Variants in MAP2K5 observed in about 807,000 individuals in gnomAD.
MAP2K5 encodes mitogen-activated protein kinase kinase 5.
Under a neutral mutation model 83.1 loss-of-function variants are expected in MAP2K5, and 49 were observed. The ratio of observed to expected loss-of-function variants is 0.59; its 90% CI spans 0.47 to 0.75. MAP2K5 has a LOEUF of 0.75. MAP2K5 is among the 30% of genes least tolerant of loss of function. MAP2K5 has a pLI of 0.00. For synonymous variants in MAP2K5, 202 were observed against 191.8 expected, an observed-to-expected ratio of 1.05 and a Z score of -0.44; for missense variants, 457 against 557.5, an observed-to-expected ratio of 0.82 and a Z score of 1.82.
At chr15:67,607,603 A>G (rs2085808474) in intron 8 of MAP2K5, among the ~76,000 whole-genome samples, 1 of 152,222 alleles carries the variant, frequency 6.6e-6, no homozygotes, top group African/African-American at 2.4e-5. Flanking sequence ...CGAATTAACT[A>G]TTATTGAAAT....
At position 67,770,888 on chromosome 15, in the gene MAP2K5, A is replaced by T. The variant is rs1026788342; in HGVS notation, c.1196+1225A>T. Among the ~76,000 whole-genome samples the T allele has an allele frequency of 2.6e-5, 4 of 152,322 alleles. No homozygotes were observed. The highest frequency in any genetic ancestry group is 4.8e-5 in the African/African-American group (2 of 41,562). The stretch of plus-strand genomic sequence containing the variant: ...GAAATTTTTCTCCCCAATTAAAAAA[A>T]TTTTATTAACACTGTTTCTATTTAT... On this transcript the variant is annotated intron_variant, in intron 20 of 21. Transcript: ENST00000178640. This position sits in a 1 kb window ranked among gnomAD's most constrained non-coding sequence, Gnocchi z 5.0.
chr15:67,629,495 A>C (rs963500579), intron 8 of MAP2K5, among the ~76,000 whole-genome samples: 5 of 152,168 alleles, frequency 3.3e-5, no homozygotes, highest in Admixed American at 2.0e-4. Context: ...AGAGCAACCA[A>C]ATTTTCTGCT....
chr15:67,752,142 G>A (rs936729206), intron 19 of MAP2K5, among the ~76,000 whole-genome samples: 13 of 151,818 alleles, frequency 8.6e-5, no homozygotes, highest in South Asian at 2.1e-4. Flanking sequence ...CTCCGCTCAC[G>A]GCAACCTCTG....
Position 67,587,173 on chromosome 15 carries a change from A to T in MAP2K5, c.431+260A>T, listed in dbSNP as rs2085308619. Among the ~76,000 whole-genome samples, 1 of 152,096 alleles carries T rather than the reference A, an allele frequency of 6.6e-6. No homozygotes were observed. The highest frequency in any genetic ancestry group is 1.5e-5 in the Non-Finnish European group (1 of 68,022). On this transcript the variant is annotated intron_variant, in intron 6 of 21. Coordinates refer to ENST00000178640, the MANE Select transcript of MAP2K5 (RefSeq NM_145160.3). This position sits in a 1 kb window ranked among gnomAD's most constrained non-coding sequence, Gnocchi z 4.8. ...CAGACGGAGGGAAGAGGGTAGGTGAAGGCCCTGAGGTGGAGAAGGAGCTCA... is the reference window on the plus strand; with the variant it reads ...CAGACGGAGGGAAGAGGGTAGGTGATGGCCCTGAGGTGGAGAAGGAGCTCA...
chr15:67,693,692 A>G (rs1175576836), intron 15 of MAP2K5, 124 bp downstream of exon 15: 3 of 692,006 alleles, frequency 4.3e-6, no homozygotes, highest in Non-Finnish European at 7.5e-6. Context: ...TGCAAAGTCA[A>G]TCTAGTCATG....
intron 9 of MAP2K5, among the ~76,000 whole-genome samples, chr15:67,633,032 C>T (rs745644183): frequency 6.6e-6 from 1 of 152,200 alleles, no homozygotes; most frequent in African/African-American, 2.4e-5. Flanking sequence ...TTGGAGATCA[C>T]CTGTTACAGC....
rs1161752884 is a variant in MAP2K5 at position 67,801,412 on chromosome 15, T to C, written c.1243-5234T>C. On this transcript the variant is annotated intron_variant, in intron 21 of 21. Coordinates refer to ENST00000178640, the MANE Select transcript of MAP2K5 (RefSeq NM_145160.3). This position sits in a 1 kb window ranked among gnomAD's most constrained non-coding sequence, Gnocchi z 4.8. Reference sequence around the variant, plus strand: ...CCTTGGCCTCCTATCCCATGCAGCATCCTTGGTGGGAGAGGATGTGCTTGG... The same window carrying C: ...CCTTGGCCTCCTATCCCATGCAGCACCCTTGGTGGGAGAGGATGTGCTTGG... Among the ~76,000 whole-genome samples the C allele has an allele frequency of 6.6e-6, 1 of 152,172 alleles. No individual in the cohort carries two copies. Among genetic ancestry groups the C allele is most frequent in the Non-Finnish European group, 1.5e-5 (1 of 68,014 alleles).
Position 67,767,952 on chromosome 15 carries a change from C to T in MAP2K5, c.1135-1650C>T, listed in dbSNP as rs575223749. 2.6e-5 allele frequency among the ~76,000 whole-genome samples: 4 copies of T among 152,266 alleles called. No homozygotes were observed. In the South Asian group the frequency reaches 8.3e-4, roughly 32 times the overall value. ...GAATTTTAATTTTAGAATTGCTAACCATCCCTTCTTCTGGATGAATAGATT... is the reference window on the plus strand; with the variant it reads ...GAATTTTAATTTTAGAATTGCTAACTATCCCTTCTTCTGGATGAATAGATT... On this transcript the variant is annotated intron_variant, in intron 19 of 21. Coordinates refer to ENST00000178640, the MANE Select transcript of MAP2K5 (RefSeq NM_145160.3).
intron 4 of MAP2K5, among the ~76,000 whole-genome samples, chr15:67,584,203 C>G (rs370580846): frequency 1.1e-4 from 17 of 152,300 alleles, no homozygotes; most frequent in African/African-American, 4.1e-4. Flanking sequence ...TAATTCCTGA[C>G]CCGATAACTT....
chr15:67,568,428 G>A (rs912773796), intron 3 of MAP2K5, among the ~76,000 whole-genome samples: 8 of 152,140 alleles, frequency 5.3e-5, no homozygotes, highest in African/African-American at 1.9e-4. Flanking sequence ...GAGTTGGAAG[G>A]TAACCACAGA....
At chr15:67,771,564 C>A (rs1460046919) in intron 20 of MAP2K5, among the ~76,000 whole-genome samples, 1 of 152,198 alleles carries the variant, frequency 6.6e-6, no homozygotes, top group Admixed American at 6.5e-5. Context: ...CTTGTTTTCC[C>A]AAGAGATACA....
Position 67,702,656 on chromosome 15 carries a change from A to T in MAP2K5, c.973-681A>T, listed in dbSNP as rs867274696. The stretch of plus-strand genomic sequence containing the variant: ...CTTTTGAAGTTGAGAGTGTTTATGT[A>T]GCCTCTTTTAGACCGGGTATTTGCT... On this transcript the variant is annotated intron_variant, in intron 15 of 21. Coordinates refer to ENST00000178640, the MANE Select transcript of MAP2K5 (RefSeq NM_145160.3). This position sits in a 1 kb window ranked among gnomAD's most constrained non-coding sequence, Gnocchi z 4.6. Among the ~76,000 whole-genome samples, 21 of 152,226 alleles carry T rather than the reference A, an allele frequency of 1.4e-4. No individual in the cohort carries two copies. The highest frequency in any genetic ancestry group is 2.6e-4 in the Non-Finnish European group (18 of 68,040).
At chr15:67,687,188 A>C (rs1197382164) in intron 13 of MAP2K5, among the ~76,000 whole-genome samples, 1 of 152,216 alleles carries the variant, frequency 6.6e-6, no homozygotes, top group African/African-American at 2.4e-5. Context: ...ACTTTTTAGA[A>C]GTTAAATCAG....
chr15:67,756,179 G>A (rs77238438), intron 19 of MAP2K5, among the ~76,000 whole-genome samples: 1 of 152,204 alleles, frequency 6.6e-6, no homozygotes, highest in Non-Finnish European at 1.5e-5. Flanking sequence ...AGTATCATAT[G>A]CATTCCAAAT....
At position 67,572,291 on chromosome 15, in the gene MAP2K5, C is replaced by T. The variant is rs1466900076; in HGVS notation, c.253-8463C>T. Among the ~76,000 whole-genome samples the T allele has an allele frequency of 6.6e-6, 1 of 152,080 alleles. No individual in the cohort carries two copies. Among genetic ancestry groups the T allele is most frequent in the African/African-American group, 2.4e-5 (1 of 41,408 alleles). On this transcript the variant is annotated intron_variant, in intron 3 of 21. Transcript: ENST00000178640. This position sits in a 1 kb window ranked among gnomAD's most constrained non-coding sequence, Gnocchi z 4.2. ...GGGGCTTGGAGGAAGGTGGGTTAGA[C>T]CATGGAGGGCCTTAGCCCAGGGAAG...
intron 13 of MAP2K5, among the ~76,000 whole-genome samples, chr15:67,672,600 A>G (rs1202148620): frequency 6.6e-6 from 1 of 150,566 alleles, no homozygotes; most frequent in Non-Finnish European, 1.5e-5. Context: ...ATTTTCTCAC[A>G]TTTTGTAGGT....
chr15:67,729,267 A>T (rs763389282), intron 17 of MAP2K5, among the ~76,000 whole-genome samples: 1 of 152,152 alleles, frequency 6.6e-6, no homozygotes, highest in Non-Finnish European at 1.5e-5. Context: ...TTTCTAAACA[A>T]TTCAGCTTGG....
Position 67,543,824 on chromosome 15 carries a change from C to T in MAP2K5, c.135+354C>T, listed in dbSNP as rs546192507. Among the ~76,000 whole-genome samples the T allele has an allele frequency of 4.6e-4, 70 of 152,318 alleles. 1 individual carries two copies. The highest frequency in any genetic ancestry group is 1.7e-3 in the African/African-American group (69 of 41,562). ...GGAATGTCCTTGGACAGATTCCAGC[C>T]TTGTTTTTCTACTGAGTTCTCTGAA... On this transcript the variant is annotated intron_variant, in intron 1 of 21. Transcript: ENST00000178640. This position sits in a 1 kb window ranked among gnomAD's most constrained non-coding sequence, Gnocchi z 4.3.
In MAP2K5 at chr15:67,687,753, T is replaced by G. The variant is rs144086053; in HGVS notation, c.848-4726T>G. 9.0e-3 allele frequency among the ~76,000 whole-genome samples: 1,377 copies of G among 152,232 alleles called. 8 individuals are homozygous for G. The highest frequency in any genetic ancestry group is 0.031 in the Middle Eastern group (9 of 294). On this transcript the variant is annotated intron_variant, in intron 13 of 21. Transcript: ENST00000178640. ...GGATCGGCATGTTAGTTCACCTGTT[T>G]AGTAGAGACACCATTTATTCACCAT... is the stretch of plus-strand genomic sequence containing the variant.
Sources: gnomAD v4.1 joint callset for allele counts (sites outside exome capture counted in the v4.1 genomes callset) on GRCh38, gnomAD v4.1.1 for gene constraint, Gnocchi (gnomAD v3.1) non-coding constraint, MANE v1.5 for transcripts, NCBI Gene and HGNC (gene_info 2026-07-23, HGNC 2026-07-21) for gene names.